Variants in BCL2L13 observed in about 807,000 individuals in gnomAD.
BCL2L13 encodes the protein BCL2 like 13.
In BCL2L13, 13 loss-of-function variants were observed where a neutral mutation model predicts 25.8. The ratio of observed to expected loss-of-function variants is 0.50; its 90% confidence interval spans 0.33 to 0.80. The LOEUF is 0.80. Ranked by LOEUF, BCL2L13 falls within the 30% of genes least tolerant of loss-of-function variation. The probability of loss-of-function intolerance (pLI) is 0.02; values close to 1 mark genes in which losing one functional copy is unlikely to be tolerated. For missense variants in BCL2L13, 504 were observed against 574.9 expected, an observed-to-expected ratio of 0.88 and a Z score of 1.26; for synonymous variants, 244 against 230.3, an observed-to-expected ratio of 1.06 and a Z score of -0.54.
intron 4 of BCL2L13, among the ~76,000 whole-genome samples, chr22:17,690,531 G>A (rs1277788422): frequency 6.6e-6 from 1 of 152,080 alleles, no homozygotes; most frequent in Non-Finnish European, 1.5e-5. Context: ...GGTCCAGGCG[G>A]GAGGATTGCT....
chr22:17,705,147 C>T (rs1215184036), intron 6 of BCL2L13, among the ~76,000 whole-genome samples: 1 of 151,592 alleles, frequency 6.6e-6, no homozygotes, highest in Non-Finnish European at 1.5e-5. Context: ...GTGGCAGGCA[C>T]CTGTAACACC....
intron 2 of BCL2L13, among the ~76,000 whole-genome samples, chr22:17,665,329 C>T (rs888724614): frequency 6.6e-5 from 10 of 152,154 alleles, no homozygotes; most frequent in Admixed American, 5.2e-4. Flanking sequence ...CTTTATCGCC[C>T]ATATCACTGT....
chr22:17,653,713 A>C (rs1175589851), intron 1 of BCL2L13, among the ~76,000 whole-genome samples: 1 of 151,882 alleles, frequency 6.6e-6, no homozygotes, highest in Non-Finnish European at 1.5e-5. Context: ...TGTGTTGTCC[A>C]GTCTGGTCTT....
Position 17,730,485 on chromosome 22 carries a change from G to A in BCL2L13, c.*2951G>A, listed in dbSNP as rs562587703. The A allele has an allele frequency of 3.9e-5, 6 of 152,220 alleles. No homozygotes were observed. The highest frequency in any genetic ancestry group is 6.5e-5 in the Admixed American group (1 of 15,298). 9.4% of individuals were successfully genotyped at this position (152,220 alleles called of 1,614,324 possible). The stretch of plus-strand genomic sequence containing the variant: ...TACTGTTCATTTCCTCAGGCTTTGC[G>A]CTGATTCCCTCAATAATATGACAGT... On this transcript the variant is annotated 3_prime_UTR_variant, in exon 7 of 7. Coordinates refer to ENST00000317582, the MANE Select transcript of BCL2L13 (RefSeq NM_015367.4).
upstream of BCL2L13, chr22:17,638,382 CTG>C (rs2058149496): frequency 1.1e-5 from 3 of 279,246 alleles, no homozygotes; most frequent in African/African-American, 6.5e-5. Context: ...GCTGTCGTGA[CTG>C]TGTAGATACT....
chr22:17,676,264 C>T (rs978493350), intron 2 of BCL2L13, among the ~76,000 whole-genome samples: 7 of 151,466 alleles, frequency 4.6e-5, no homozygotes, highest in Non-Finnish European at 1.0e-4. Flanking sequence ...GAGTTCGAGA[C>T]CAGCCTGGCC....
At chr22:17,694,506 T>TA (rs79874295) in intron 4 of BCL2L13, among the ~76,000 whole-genome samples, 11 of 150,826 alleles carry the variant, frequency 7.3e-5, no homozygotes, top group South Asian at 4.2e-4. Flanking sequence ...TGACTCCATT[T>TA]AAAAAAAAAA....
chr22:17,680,215 CAA>C (rs71201867), intron 2 of BCL2L13, among the ~76,000 whole-genome samples: 2 of 67,042 alleles, frequency 3.0e-5, no homozygotes, highest in Non-Finnish European at 5.5e-5. Flanking sequence ...AACTCTCTCT[CAA>C]AAAAAAAAAA....
rs926827548 is a variant in BCL2L13 at position 17,648,433 on chromosome 22, C to G, written c.-50-7229C>G. Among the ~76,000 whole-genome samples, 3 of 152,120 alleles carry G rather than the reference C, an allele frequency of 2.0e-5. No homozygotes were observed. In the South Asian group the frequency reaches 6.2e-4, roughly 31 times the overall value. ...GAAGTTGGGGCCAGATATGGTGGCT[C>G]ACGCTTGTAATCCCAGCAATTTGGG... On this transcript the variant is annotated intron_variant, in intron 1 of 6. Transcript: ENST00000317582.
upstream of BCL2L13, among the ~76,000 whole-genome samples, chr22:17,636,045 C>CT (rs2058100214): frequency 6.6e-6 from 1 of 151,290 alleles, no homozygotes; most frequent in Non-Finnish European, 1.5e-5. Flanking sequence ...CATGTGTGGC[C>CT]TGGGGCGGTG....
At chr22:17,654,363 A>G (rs1467606357) in intron 1 of BCL2L13, among the ~76,000 whole-genome samples, 1 of 151,864 alleles carries the variant, frequency 6.6e-6, no homozygotes, top group Non-Finnish European at 1.5e-5. Context: ...TCCGCCTCCC[A>G]AAGTGCTGGG....
chr22:17,665,326 G>A (rs180753227), intron 2 of BCL2L13, among the ~76,000 whole-genome samples: 5 of 152,186 alleles, frequency 3.3e-5, no homozygotes, highest in Non-Finnish European at 5.9e-5. Flanking sequence ...GGACTTTATC[G>A]CCCATATCAC....
intron 2 of BCL2L13, among the ~76,000 whole-genome samples, chr22:17,672,010 G>A (rs1007738615): frequency 2.0e-5 from 3 of 152,200 alleles, no homozygotes; most frequent in Admixed American, 6.5e-5. Flanking sequence ...CACTGTGCCC[G>A]GCCAACATCT....
chr22:17,724,990 C>A (rs1238248866), intron 6 of BCL2L13, among the ~76,000 whole-genome samples: 1 of 152,148 alleles, frequency 6.6e-6, no homozygotes, highest in Non-Finnish European at 1.5e-5. Flanking sequence ...TAGACCCATT[C>A]TTTCTCGTAG....
At chr22:17,647,137 C>G (rs1257294654) in intron 1 of BCL2L13, among the ~76,000 whole-genome samples, 1 of 151,032 alleles carries the variant, frequency 6.6e-6, no homozygotes, top group African/African-American at 2.4e-5. Flanking sequence ...CCACGCCTGG[C>G]TAATTTTTTT....
At chr22:17,633,454 A>G (rs748059480) in intron 1 of BCL2L13, among the ~76,000 whole-genome samples, 68 of 152,188 alleles carry the variant, frequency 4.5e-4, no homozygotes, top group Admixed American at 1.2e-3. Flanking sequence ...ACTTTAAAAC[A>G]TATTTTCAGA....
chr22:17,727,796 T>A lies in BCL2L13; in HGVS notation c.*262T>A. The A allele has an allele frequency of 1.9e-6, 1 of 519,710 alleles. No individual in the cohort carries two copies. The allele number at this position is 519,710 out of a possible 1,614,324, so 32.2% of individuals were successfully genotyped here. ...AGCACCCCCTCCAGGACCGGGTTTC[T>A]CAGCCTTGGCACTAGTGCTGTTCTG... On this transcript the variant is annotated 3_prime_UTR_variant, in exon 7 of 7. Transcript: ENST00000317582.
At chr22:17,645,820 T>G (rs991935610) in intron 1 of BCL2L13, among the ~76,000 whole-genome samples, 1 of 151,438 alleles carries the variant, frequency 6.6e-6, no homozygotes, top group African/African-American at 2.5e-5. Context: ...GCAACCACAG[T>G]TGGCCCTCTT....
At position 17,638,841 on chromosome 22, in the gene BCL2L13, C is replaced by G. The variant is rs1240735945; in HGVS notation, c.-96C>G. ...TGGGGGACCCTGTCGGAAGCAACTGCCGCCGCCGCCTCTTTCATCTCTTCT... is the reference window on the plus strand; with the variant it reads ...TGGGGGACCCTGTCGGAAGCAACTGGCGCCGCCGCCTCTTTCATCTCTTCT... On this transcript the variant is annotated 5_prime_UTR_variant, in exon 1 of 7. Transcript: ENST00000317582. 8.1e-6 allele frequency: 10 copies of G among 1,232,022 alleles called. No homozygotes were observed. The highest frequency in any genetic ancestry group is 7.1e-6 in the Non-Finnish European group (7 of 988,360). 76.3% of individuals were successfully genotyped at this position (1,232,022 alleles called of 1,614,324 possible).
Sources: allele counts gnomAD v4.1 joint callset (sites outside exome capture counted in the v4.1 genomes callset), GRCh38; gene constraint gnomAD v4.1.1; transcripts MANE v1.5; gene names NCBI Gene and HGNC (gene_info 2026-07-23, HGNC 2026-07-21).